MTUS2: variants seen among roughly 807,000 people sequenced by gnomAD.
The protein encoded by MTUS2 is microtubule-associated tumor suppressor candidate 2.
Under a neutral mutation model 114.1 loss-of-function variants are expected in MTUS2, and 40 were observed. The observed-to-expected ratio is 0.35, with a 90% CI of 0.27 to 0.46. MTUS2 has a LOEUF of 0.46. Among genes scored for constraint, MTUS2 ranks in the 20% least tolerant of loss-of-function variants. The probability of loss-of-function intolerance (pLI) is 1.00; values close to 1 mark genes in which losing one functional copy is unlikely to be tolerated. For synonymous variants in MTUS2, 688 were observed against 672.0 expected (o/e 1.02, Z -0.37); for missense variants, 1,679 against 1,705.4 (o/e 0.98, Z 0.27).
At chr13:29,338,430 AC>A (rs1309461255) in intron 7 of MTUS2, among the ~76,000 whole-genome samples, 1 of 99,508 alleles carries the variant, frequency 1.0e-5, no homozygotes, top group Non-Finnish European at 2.6e-5. Flanking sequence ...CTATTAAAAT[AC>A]AAAAAAAAAT....
rs1407024136 is a variant in MTUS2 at position 29,389,439 on chromosome 13, A to ATGTATACACGTG, written c.3117+29969_3117+29970insATACACGTGTGT. On this transcript the variant is annotated intron_variant, in intron 8 of 15. Transcript: ENST00000612955. ...TGTGTGTATGTATACACGTGTGTGT[A>ATGTATACACGTG]TGTGTATGTATACACGTGTGTGTAT... 5.6e-3 allele frequency among the ~76,000 whole-genome samples: 442 copies of ATGTATACACGTG among 79,364 alleles called. 14 individuals are homozygous for ATGTATACACGTG. The highest frequency in any genetic ancestry group is 0.013 in the East Asian group (37 of 2,882). The allele number at this position is 79,364 out of a possible 152,430, so 52.1% of individuals were successfully genotyped here.
In MTUS2 at chr13:29,338,009, G is replaced by A. The variant is rs572884325; in HGVS notation, c.2905+13298G>A. Among the ~76,000 whole-genome samples, 12 of 149,706 alleles carry A rather than the reference G, an allele frequency of 8.0e-5. No individual in the cohort carries two copies. In the South Asian group the frequency reaches 2.3e-3, roughly 29 times the overall value. On this transcript the variant is annotated intron_variant, in intron 7 of 15. Transcript: ENST00000612955. ...TTCACCATGTTGGTTGGCCAGGATG[G>A]TCTCGATCTCTTGACCTCGTGATTT...
intron 8 of MTUS2, among the ~76,000 whole-genome samples, chr13:29,384,889 A>G (rs1265103461): frequency 6.6e-6 from 1 of 152,256 alleles, no homozygotes; most frequent in Non-Finnish European, 1.5e-5. Context: ...TGTTCAAGCC[A>G]TGCTGGTGGC....
chr13:28,985,728 G>T (rs1014483655), intron 2 of MTUS2, among the ~76,000 whole-genome samples: 2 of 152,084 alleles, frequency 1.3e-5, no homozygotes, highest in African/African-American at 4.8e-5. Flanking sequence ...TTTCTGTGAG[G>T]GTATTTTTGG....
chr13:29,143,196 T>C (rs1178492937), intron 5 of MTUS2, among the ~76,000 whole-genome samples: 1 of 152,240 alleles, frequency 6.6e-6, no homozygotes, highest in Non-Finnish European at 1.5e-5. Context: ...AGAAGCCTAT[T>C]GTATTTTACT....
chr13:29,382,294 G>A (rs1872272051), intron 8 of MTUS2, among the ~76,000 whole-genome samples: 1 of 152,166 alleles, frequency 6.6e-6, no homozygotes, highest in African/African-American at 2.4e-5. Flanking sequence ...GGTGATCTGA[G>A]AAGACTCACA....
chr13:28,847,387 C>T (rs772958317), intron 2 of MTUS2, among the ~76,000 whole-genome samples: 13 of 152,000 alleles, frequency 8.6e-5, no homozygotes, highest in Non-Finnish European at 1.6e-4. Flanking sequence ...TTTTGGATTT[C>T]TCAGTGCAAA....
At chr13:28,924,428 C>G (rs893401484) in intron 2 of MTUS2, among the ~76,000 whole-genome samples, 4 of 152,200 alleles carry the variant, frequency 2.6e-5, no homozygotes, top group African/African-American at 9.6e-5. Context: ...ATCCTGCAAT[C>G]AAGCAGTATC....
intron 9 of MTUS2, among the ~76,000 whole-genome samples, chr13:29,469,187 C>G (rs1880093841): frequency 6.6e-6 from 1 of 152,184 alleles, no homozygotes; most frequent in South Asian, 2.1e-4. Context: ...GGCTCCTGCC[C>G]CGCCTCTCCT....
chr13:29,242,241 A>C (rs1896759650), intron 5 of MTUS2, among the ~76,000 whole-genome samples: 1 of 152,178 alleles, frequency 6.6e-6, no homozygotes, highest in Non-Finnish European at 1.5e-5. Flanking sequence ...TTTATGGTTA[A>C]TCCCTATTTC....
intron 2 of MTUS2, among the ~76,000 whole-genome samples, chr13:28,874,244 G>GC (rs1212766146): frequency 1.1e-4 from 16 of 152,080 alleles, no homozygotes; most frequent in Non-Finnish European, 2.2e-4. Context: ...CTCATGATCT[G>GC]CCCCCCTCGG....
At chr13:28,959,858 C>G (rs1206029262) in intron 2 of MTUS2, among the ~76,000 whole-genome samples, 1 of 152,324 alleles carries the variant, frequency 6.6e-6, no homozygotes, top group Non-Finnish European at 1.5e-5. Flanking sequence ...CCGTATCACA[C>G]CACCTGTCAG....
intron 2 of MTUS2, among the ~76,000 whole-genome samples, chr13:29,000,412 T>G (rs139821612): frequency 0.018 from 2,677 of 152,170 alleles, 79 homozygotes; most frequent in African/African-American, 0.06. Context: ...GCCCAGGCTG[T>G]AGTGCAGTGG....
intron 2 of MTUS2, among the ~76,000 whole-genome samples, chr13:29,010,126 G>T (rs979012401): frequency 1.3e-5 from 2 of 151,130 alleles, no homozygotes; most frequent in South Asian, 2.1e-4. Flanking sequence ...CAGGAGAATC[G>T]CTGGAACCCA....
At position 28,850,289 on chromosome 13, in the gene MTUS2, T is replaced by TC. The variant is rs775086407; in HGVS notation, c.-243+10439_-243+10440insC. ...TTAGACAGATACATTCCCCTCTGTA[T>TC]AGGGCCCCATCCCAGTTTTTGGACA... On this transcript the variant is annotated intron_variant, in intron 2 of 15. Coordinates refer to ENST00000612955, the MANE Select transcript of MTUS2 (RefSeq NM_001033602.4). Among the ~76,000 whole-genome samples the TC allele has an allele frequency of 2.4e-3, 366 of 152,354 alleles. 1 individual carries two copies. Among genetic ancestry groups the TC allele is most frequent in the Non-Finnish European group, 4.5e-3 (304 of 68,036 alleles).
intron 5 of MTUS2, among the ~76,000 whole-genome samples, chr13:29,178,806 G>C (rs963854764): frequency 4.6e-5 from 7 of 152,096 alleles, no homozygotes; most frequent in Non-Finnish European, 1.0e-4. Flanking sequence ...TTGTGGACTT[G>C]AGGATTTAAT....
chr13:29,294,720 A>G (rs990034882), intron 6 of MTUS2, among the ~76,000 whole-genome samples: 1 of 152,238 alleles, frequency 6.6e-6, no homozygotes, highest in Non-Finnish European at 1.5e-5. Context: ...TCCAGCAATG[A>G]TGTGTGAAAA....
At chr13:29,185,343 AGAAAG>A (rs898490868) in intron 5 of MTUS2, among the ~76,000 whole-genome samples, 2 of 151,896 alleles carry the variant, frequency 1.3e-5, no homozygotes, top group South Asian at 2.1e-4. Flanking sequence ...AAGGAGAAAA[AGAAAG>A]GAACAGAAAG....
At chr13:29,022,123 A>G (rs1252608941) in intron 2 of MTUS2, among the ~76,000 whole-genome samples, 1 of 152,188 alleles carries the variant, frequency 6.6e-6, no homozygotes, top group Non-Finnish European at 1.5e-5. Flanking sequence ...AAAGATCTAG[A>G]TGTTAATGTG....
Sources: gnomAD v4.1 joint callset for allele counts (sites outside exome capture counted in the v4.1 genomes callset) on GRCh38, gnomAD v4.1.1 for gene constraint, MANE v1.5 for transcripts, NCBI Gene and HGNC (gene_info 2026-07-23, HGNC 2026-07-21) for gene names.